The following MTUS2 variants were observed in gnomAD, a reference collection of about 807,000 sequenced individuals.
The protein encoded by MTUS2 is microtubule associated scaffold protein 2, also known as microtubule-associated tumor suppressor candidate 2.
A neutral mutation model predicts 114.1 loss-of-function variants in MTUS2; 40 were observed. That is an observed-to-expected ratio of 0.35 (90% CI 0.27 to 0.46). The LOEUF is 0.46. Ranked by LOEUF, MTUS2 falls within the 20% of genes least tolerant of loss-of-function variation. The pLI, the probability that MTUS2 is intolerant of heterozygous loss-of-function variation, is 1.00. For missense variants in MTUS2, 1,679 were observed against 1,705.4 expected (o/e 0.98, Z 0.27); for synonymous variants, 688 against 672.0 (o/e 1.02, Z -0.37).
rs116287143 is a variant in MTUS2, at chr13:29,306,745, C to G, written c.2807-17868C>G. ...CCTGTTCGACAGACAGCCACATTTT[C>G]TCTTGCATTGCCAGCCGCATCCCTG... On this transcript the variant is annotated intron_variant, in intron 6 of 15. Coordinates refer to ENST00000612955, the MANE Select transcript of MTUS2 (RefSeq NM_001033602.4). 835 of 297,626 alleles carry G rather than the reference C, an allele frequency of 2.8e-3. 8 individuals carry two copies. The highest frequency in any genetic ancestry group is 0.017 in the African/African-American group (759 of 45,300). The allele number at this position is 297,626 out of a possible 1,614,324, so 18.4% of individuals were successfully genotyped here. A position where few individuals can be genotyped will look rare whatever the true frequency, so the allele number is the denominator to read the frequency against.
At chr13:29,039,873 C>G (rs900938317) in intron 4 of MTUS2, among the ~76,000 whole-genome samples, 1 of 152,152 alleles carries the variant, frequency 6.6e-6, no homozygotes, top group Non-Finnish European at 1.5e-5. Flanking sequence ...GTTGATTTTA[C>G]GTGGATTTCC....
At chr13:28,960,048 T>TA (rs1185696539) in intron 2 of MTUS2, among the ~76,000 whole-genome samples, 1 of 152,200 alleles carries the variant, frequency 6.6e-6, no homozygotes, top group Non-Finnish European at 1.5e-5. Context: ...AATCAATAGA[T>TA]ACCGATATTG....
intron 2 of MTUS2, among the ~76,000 whole-genome samples, chr13:28,947,578 C>T (rs1882598500): frequency 6.6e-6 from 1 of 152,040 alleles, no homozygotes; most frequent in Non-Finnish European, 1.5e-5. Context: ...TTAATGGAAA[C>T]AAATTATAAG....
intron 4 of MTUS2, among the ~76,000 whole-genome samples, chr13:29,055,317 A>G (rs965689063): frequency 1.3e-5 from 2 of 152,104 alleles, no homozygotes; most frequent in Admixed American, 6.6e-5. Flanking sequence ...CCTTCTTCAG[A>G]AAACCAATTT....
intron 5 of MTUS2, among the ~76,000 whole-genome samples, chr13:29,137,171 A>G (rs1328994002): frequency 6.6e-6 from 1 of 152,190 alleles, no homozygotes; most frequent in African/African-American, 2.4e-5. Flanking sequence ...CATTGACTAT[A>G]TCAACCCACT....
intron 8 of MTUS2, among the ~76,000 whole-genome samples, chr13:29,375,642 C>T (rs9506167): frequency 0.024 from 108 of 4,582 alleles, 11 homozygotes; most frequent in African/African-American, 0.039. Flanking sequence ...TATATATACA[C>T]ACACCATGAA....
chr13:29,225,294 A>G (rs571689828), intron 5 of MTUS2, among the ~76,000 whole-genome samples: 1 of 152,222 alleles, frequency 6.6e-6, no homozygotes, highest in South Asian at 2.1e-4. Context: ...TTAATCCGTT[A>G]CTGGCATATG....
At chr13:29,107,938 G>A (rs896056249) in intron 5 of MTUS2, among the ~76,000 whole-genome samples, 10 of 151,952 alleles carry the variant, frequency 6.6e-5, no homozygotes, top group African/African-American at 2.4e-4. Flanking sequence ...TGGGTTCTGG[G>A]GATAATTATC....
chr13:29,102,708 TCACAGAAAAAC>T (rs1201774622), intron 5 of MTUS2, among the ~76,000 whole-genome samples: 1 of 152,202 alleles, frequency 6.6e-6, no homozygotes, highest in Non-Finnish European at 1.5e-5. Flanking sequence ...CACCAATAAA[TCACAGAAAAAC>T]CCCCCATGAA....
chr13:29,040,657 G>GC (rs1459531606), intron 4 of MTUS2, among the ~76,000 whole-genome samples: 7 of 152,108 alleles, frequency 4.6e-5, no homozygotes, highest in Non-Finnish European at 1.0e-4. Context: ...TGGCATTCTT[G>GC]CAGGAGTAAG....
intron 5 of MTUS2, among the ~76,000 whole-genome samples, chr13:29,197,121 A>G (rs745458195): frequency 3.9e-5 from 6 of 152,162 alleles, no homozygotes; most frequent in Non-Finnish European, 5.9e-5. Context: ...TTACATAGGT[A>G]TACATGTACC....
intron 6 of MTUS2, among the ~76,000 whole-genome samples, chr13:29,309,900 CCTTT>C (rs548795011): frequency 2.0e-5 from 3 of 152,074 alleles, no homozygotes; most frequent in Admixed American, 6.6e-5. Flanking sequence ...AAGCATTTAT[CCTTT>C]CTTTATGTTA....
chr13:29,277,643 C>G (rs1226953041), intron 5 of MTUS2, among the ~76,000 whole-genome samples: 1 of 152,212 alleles, frequency 6.6e-6, no homozygotes, highest in Non-Finnish European at 1.5e-5. Flanking sequence ...TCACACCACT[C>G]CCTTTTCCCC....
intron 2 of MTUS2, among the ~76,000 whole-genome samples, chr13:28,892,970 G>C (rs1879023817): frequency 6.6e-6 from 1 of 152,196 alleles, no homozygotes; most frequent in Non-Finnish European, 1.5e-5. Flanking sequence ...GATGTGAGGA[G>C]TCTTGGGGTG....
chr13:29,302,621 A>T (rs907169228), intron 6 of MTUS2, among the ~76,000 whole-genome samples: 3 of 152,216 alleles, frequency 2.0e-5, no homozygotes, highest in African/African-American at 7.2e-5. Flanking sequence ...TTAGAGTCCC[A>T]GTCAGCCCAG....
intron 9 of MTUS2, among the ~76,000 whole-genome samples, chr13:29,454,024 A>G (rs1234518906): frequency 6.6e-6 from 1 of 152,268 alleles, no homozygotes; most frequent in African/African-American, 2.4e-5. Flanking sequence ...GAACAAATAT[A>G]TAAACTGCAG....
At chr13:28,992,167 G>A (rs978315778) in intron 2 of MTUS2, among the ~76,000 whole-genome samples, 1 of 152,188 alleles carries the variant, frequency 6.6e-6, no homozygotes, top group Non-Finnish European at 1.5e-5. Flanking sequence ...ATGGGCTGAA[G>A]CATTTGGAAA....
At chr13:29,046,559 C>T (rs554918496) in intron 4 of MTUS2, among the ~76,000 whole-genome samples, 1 of 152,330 alleles carries the variant, frequency 6.6e-6, no homozygotes, top group East Asian at 1.9e-4. Flanking sequence ...TTTTTGCCTG[C>T]ATGTGCAAGT....
intron 4 of MTUS2, among the ~76,000 whole-genome samples, chr13:29,069,047 C>A (rs1327558300): frequency 6.6e-6 from 1 of 151,928 alleles, no homozygotes; most frequent in East Asian, 1.9e-4. Context: ...AAAGGACAGC[C>A]CAACTTAGGT....
Sources: gnomAD v4.1 joint callset for allele counts (sites outside exome capture counted in the v4.1 genomes callset) on GRCh38, gnomAD v4.1.1 for gene constraint, MANE v1.5 for transcripts, NCBI Gene and HGNC (gene_info 2026-07-23, HGNC 2026-07-21) for gene names.